Variants in NUP58 observed in about 807,000 individuals in gnomAD.
The protein encoded by NUP58 is nucleoporin p58/p45.
Under a neutral mutation model 70.1 loss-of-function variants are expected in NUP58, and 17 were observed. That is an observed-to-expected ratio of 0.24 (90% confidence interval 0.17 to 0.36). The LOEUF (loss-of-function observed/expected upper bound fraction) is 0.36, where lower values mean the gene tolerates loss of function less well. NUP58 is among the 10% of genes least tolerant of loss of function. NUP58 has a pLI of 1.00. For synonymous variants in NUP58, 275 were observed against 257.6 expected (o/e 1.07, Z -0.65); for missense variants, 644 against 701.5 (o/e 0.92, Z 0.93).
Position 25,340,052 on chromosome 13 carries a change from C to T in NUP58, c.1718C>T (p.Pro573Leu). 6.2e-7 allele frequency: 1 copy of T among 1,613,982 alleles called. No individual in the cohort carries two copies. The highest frequency in any genetic ancestry group is 8.5e-7 in the Non-Finnish European group (1 of 1,179,958). The change falls in exon 16 of 16, where the codon CCT becomes CTT. Residue 573 changes from proline to leucine, a missense_variant. Around this residue, in one of 4 missense-constraint regions of NUP58, gnomAD observed 132 missense variants for 203.9 expected, o/e 0.65. Transcript: ENST00000381736. ...GGTTTGACTTTTGGGGTGTCCAATC[C>T]TGCCTCTGCAGGTTTTGGAACAGGA... ...SAGLTFGVSN[P>L]ASAGFGTGGQ...
intron 1 of NUP58, among the ~76,000 whole-genome samples, chr13:25,306,060 C>T (rs1002936649): frequency 6.6e-6 from 1 of 152,042 alleles, no homozygotes; most frequent in Non-Finnish European, 1.5e-5. Flanking sequence ...ACAGTCATAA[C>T]AACATTTATT....
chr13:25,307,928 C>G lies in NUP58; in HGVS notation c.230C>G (p.Thr77Ser). 1 of 1,614,092 alleles carries G rather than the reference C, an allele frequency of 6.2e-7. No homozygotes were observed. The highest frequency in any genetic ancestry group is 8.5e-7 in the Non-Finnish European group (1 of 1,179,986). ...GGATCTAAACCTGCCACTGGGTTCA[C>G]TCTAGGAGGAACAAATACAGGTGAG... ...LFGSKPATGF[T>S]LGGTNTGIAT... The change falls in exon 2 of 16, where the codon ACT becomes AGT. Residue 77 changes from threonine (T) to serine (S), a missense_variant. By Grantham distance (58) the Thr-to-Ser change is moderately conservative. Coordinates refer to ENST00000381736, the MANE Select transcript of NUP58 (RefSeq NM_014089.4).
chr13:25,334,448 A>G, intron 13 of NUP58: 1 of 985,380 alleles, frequency 1.0e-6, no homozygotes, highest in Non-Finnish European at 1.2e-6. Context: ...AGCTTAGTGT[A>G]GGTTTGGACA....
intron 13 of NUP58, chr13:25,335,509 G>C: frequency 1.0e-6 from 1 of 985,034 alleles, no homozygotes; most frequent in Non-Finnish European, 1.2e-6. Flanking sequence ...TTTTCCTATA[G>C]TAACATTTTA....
chr13:25,305,141 T>TGTTTGTTTG (rs371774112), intron 1 of NUP58, among the ~76,000 whole-genome samples: 1,793 of 118,482 alleles, frequency 0.015, 218 homozygotes, highest in South Asian at 0.022. Flanking sequence ...TTTTTTTTTT[T>TGTTTGTTTG]TTTTTTTTTT....
intron 13 of NUP58, chr13:25,335,196 T>C: frequency 1.0e-6 from 1 of 985,168 alleles, no homozygotes; most frequent in Non-Finnish European, 1.2e-6. Context: ...TGATGTGCAA[T>C]GGAAAGTCTT....
Position 25,301,698 on chromosome 13 carries a change from C to A in NUP58, c.-76C>A. The A allele has an allele frequency of 1.3e-6, 1 of 759,120 alleles. No homozygotes were observed. The highest frequency in any genetic ancestry group is 2.0e-6 in the Non-Finnish European group (1 of 508,040). The allele number at this position is 759,120 out of a possible 1,614,324, so 47.0% of individuals were successfully genotyped here. On this transcript the variant is annotated 5_prime_UTR_variant, in exon 1 of 16. Coordinates refer to ENST00000381736, the MANE Select transcript of NUP58 (RefSeq NM_014089.4). ...GCCGGGCGAGAGAGATGCTGCCCGG[C>A]CCGCCTCGGCTTTGAGGCGAGAGAA...
chr13:25,339,184 A>C (rs1162376335), intron 15 of NUP58, among the ~76,000 whole-genome samples: 1 of 152,178 alleles, frequency 6.6e-6, no homozygotes, highest in Non-Finnish European at 1.5e-5. Context: ...TCATTTTTGA[A>C]ATAGGTATAA....
chr13:25,329,923 A>G (rs957116692), intron 12 of NUP58, among the ~76,000 whole-genome samples: 35 of 152,116 alleles, frequency 2.3e-4, no homozygotes, highest in African/African-American at 8.2e-4. Context: ...CCTGGGCCCA[A>G]GCGATCCTCC....
Position 25,321,001 on chromosome 13 carries a change from A to G in NUP58, c.859A>G (p.Ile287Val). 1.9e-6 allele frequency: 3 copies of G among 1,600,828 alleles called. No homozygotes were observed. Among genetic ancestry groups the G allele is most frequent in the Non-Finnish European group, 2.6e-6 (3 of 1,175,268 alleles). Residue 287 changes from isoleucine to valine, a missense_variant, in exon 9 of 16, where the codon ATT becomes GTT. Transcript: ENST00000381736. ...SKAMLKVQED[I>V]KALKQLLSLA... ...AGCAATGCTTAAGGTACAAGAAGATATTAAAGCTCTGAAGCAGCTCCTGTC... is the reference window on the plus strand; with the variant it reads ...AGCAATGCTTAAGGTACAAGAAGATGTTAAAGCTCTGAAGCAGCTCCTGTC...
At chr13:25,333,779 GTTTT>G (rs2031690951) in intron 13 of NUP58, 16 of 985,186 alleles carry the variant, frequency 1.6e-5, no homozygotes, top group Non-Finnish European at 1.8e-5. Context: ...TGAAATCTTT[GTTTT>G]TAAGTGCCAG....
chr13:25,344,488 A>G (rs1354139097), downstream of NUP58, among the ~76,000 whole-genome samples: 3 of 152,184 alleles, frequency 2.0e-5, no homozygotes, highest in African/African-American at 7.2e-5. Flanking sequence ...CTTTATTTGT[A>G]TACCTGATAG....
At chr13:25,310,206 A>ATTTTTTTTT (rs796547133) in intron 3 of NUP58, among the ~76,000 whole-genome samples, 1 of 47,484 alleles carries the variant, frequency 2.1e-5, no homozygotes, top group African/African-American at 6.5e-5. Flanking sequence ...CCCTTGGCTA[A>ATTTTTTTTT]TTTTTTTTTT....
At position 25,342,204 on chromosome 13, in the gene NUP58, T is replaced by G. The variant is rs1246522495; in HGVS notation, c.*2070T>G. Reference sequence around the variant, plus strand: ...CATACACAATTACAACAAACTTTTTTTAAAAGACATTTCATTGTACTGCAA... The same window carrying G: ...CATACACAATTACAACAAACTTTTTGTAAAAGACATTTCATTGTACTGCAA... On this transcript the variant is annotated 3_prime_UTR_variant, in exon 16 of 16. Coordinates refer to ENST00000381736, the MANE Select transcript of NUP58 (RefSeq NM_014089.4). 1 of 152,666 alleles carries G rather than the reference T, an allele frequency of 6.6e-6. No homozygotes were observed. The highest frequency in any genetic ancestry group is 2.4e-5 in the African/African-American group (1 of 41,458). The allele number at this position is 152,666 out of a possible 1,614,324, so 9.5% of individuals were successfully genotyped here.
At chr13:25,335,337 AC>A in intron 13 of NUP58, 1 of 985,402 alleles carries the variant, frequency 1.0e-6, no homozygotes, top group Non-Finnish European at 1.2e-6. Context: ...CTTACGACTT[AC>A]AAGGCTGAGG....
intron 12 of NUP58, among the ~76,000 whole-genome samples, chr13:25,329,571 T>G (rs1259215228): frequency 6.6e-6 from 1 of 152,224 alleles, no homozygotes. Flanking sequence ...GAATATTTTA[T>G]AATCAGATTT....
rs374189309 is a variant in NUP58 at position 25,313,989 on chromosome 13, C to T, written c.574+238C>T. On this transcript the variant is annotated intron_variant, in intron 5 of 15. Transcript: ENST00000381736. The stretch of plus-strand genomic sequence containing the variant: ...TGTCACCCAGGCTGGAGTGCAGTGG[C>T]GTGATCTTGGTTCACTGTAACCTCC... Among the ~76,000 whole-genome samples, 16 of 152,158 alleles carry T rather than the reference C, an allele frequency of 1.1e-4. No homozygotes were observed. In the East Asian group the frequency reaches 2.9e-3, roughly 28 times the overall value.
intron 2 of NUP58, 182 bp downstream of exon 2, chr13:25,308,130 C>T (rs945909878): frequency 1.7e-5 from 9 of 526,396 alleles, no homozygotes; most frequent in Non-Finnish European, 2.6e-5. Context: ...CAATCATTGA[C>T]TGTCATCTAC....
intron 9 of NUP58, among the ~76,000 whole-genome samples, chr13:25,322,007 C>T (rs1424170566): frequency 1.3e-5 from 2 of 152,170 alleles, no homozygotes; most frequent in Non-Finnish European, 2.9e-5. Context: ...GTGTAATATA[C>T]AATACATATT....
Sources: gnomAD v4.1 joint callset for allele counts (sites outside exome capture counted in the v4.1 genomes callset) on GRCh38, gnomAD v4.1.1 for gene constraint, gnomAD v4.1.1 regional missense constraint, MANE v1.5 for transcripts, NCBI Gene and HGNC (gene_info 2026-07-23, HGNC 2026-07-21) for gene names.